Variants in DAB1 observed in about 807,000 individuals in gnomAD.
The protein encoded by DAB1 is disabled homolog 1.
A neutral mutation model predicts 64.6 loss-of-function variants in DAB1; 15 were observed. That is an observed-to-expected ratio of 0.23 (90% CI 0.16 to 0.36). The LOEUF (loss-of-function observed/expected upper bound fraction) is 0.36. Among genes scored for constraint, DAB1 ranks in the 10% least tolerant of loss-of-function variants. The pLI, the probability that DAB1 is intolerant of heterozygous loss-of-function variation, is 1.00. For synonymous variants in DAB1, 235 were observed against 251.9 expected (o/e 0.93, Z 0.64); for missense variants, 596 against 706.7 (o/e 0.84, Z 1.78).
At chr1:57,451,138 C>T (rs953080954) in intron 7 of DAB1, among the ~76,000 whole-genome samples, 2 of 152,162 alleles carry the variant, frequency 1.3e-5, no homozygotes, top group Non-Finnish European at 2.9e-5. Context: ...TGATTCTTGG[C>T]CCCAGATTCC....
At chr1:57,104,036 C>T (rs1185299674) in intron 4 of DAB1, among the ~76,000 whole-genome samples, 2 of 152,130 alleles carry the variant, frequency 1.3e-5, no homozygotes, top group African/African-American at 2.4e-5. Context: ...CTGGAGGGTC[C>T]TGGGCCTCTC....
chr1:57,414,218 TC>T (rs57394543), intron 1 of DAB1, among the ~76,000 whole-genome samples: 2,337 of 152,286 alleles, frequency 0.015, 67 homozygotes, highest in African/African-American at 0.053. Flanking sequence ...TATAGAGAAA[TC>T]TTTCATGAAA....
intron 3 of DAB1, among the ~76,000 whole-genome samples, chr1:58,457,902 T>C (rs72669872): frequency 0.046 from 7,061 of 152,266 alleles, 227 homozygotes; most frequent in East Asian, 0.12. Context: ...CCGCTACACA[T>C]CAACGCTCTG....
intron 1 of DAB1, among the ~76,000 whole-genome samples, chr1:57,357,708 C>A (rs1191389095): frequency 6.6e-6 from 1 of 151,868 alleles, no homozygotes; most frequent in African/African-American, 2.4e-5. Context: ...AGGAAACTTA[C>A]AATCATGGTG....
chr1:57,319,410 A>G (rs1320592737), intron 1 of DAB1, among the ~76,000 whole-genome samples: 2 of 152,146 alleles, frequency 1.3e-5, no homozygotes, highest in African/African-American at 4.8e-5. Flanking sequence ...TTTGGAATCC[A>G]GCCACTTCCT....
At chr1:57,301,849 A>G (rs116298204) in intron 1 of DAB1, among the ~76,000 whole-genome samples, 52 of 152,206 alleles carry the variant, frequency 3.4e-4, no homozygotes, top group African/African-American at 3.4e-4. Context: ...GTGACCATCA[A>G]TAGATTTCCC....
At chr1:57,267,900 A>G (rs12143340) in intron 2 of DAB1, among the ~76,000 whole-genome samples, 63,217 of 152,008 alleles carry the variant, frequency 0.42, 13,340 homozygotes, top group South Asian at 0.54. Context: ...ATGAGAGCGG[A>G]GAGTGGGAAA....
intron 3 of DAB1, among the ~76,000 whole-genome samples, chr1:58,489,042 A>G (rs1483689962): frequency 1.3e-5 from 2 of 152,206 alleles, no homozygotes; most frequent in Non-Finnish European, 2.9e-5. Flanking sequence ...CGATTTCTCC[A>G]TTTCCAACTG....
At chr1:57,886,646 T>G (rs1367103687), upstream of DAB1, among the ~76,000 whole-genome samples, 1 of 152,210 alleles carries the variant, frequency 6.6e-6, no homozygotes, top group Non-Finnish European at 1.5e-5. Context: ...TGGCAGTCAC[T>G]ATTTGCATGT....
intron 6 of DAB1, among the ~76,000 whole-genome samples, chr1:57,737,670 C>A (rs767966855): frequency 4.6e-5 from 7 of 152,192 alleles, no homozygotes; most frequent in Admixed American, 6.5e-5. Context: ...TGGCAACCCA[C>A]ACTGGACCAT....
intron 5 of DAB1, among the ~76,000 whole-genome samples, chr1:57,889,991 A>G (rs916984383): frequency 1.3e-5 from 2 of 151,642 alleles, no homozygotes; most frequent in African/African-American, 4.9e-5. Flanking sequence ...TTCTCATAAG[A>G]AGGCTGAAAA....
chr1:57,045,864 G>A (rs1648418788), intron 9 of DAB1, among the ~76,000 whole-genome samples: 1 of 152,182 alleles, frequency 6.6e-6, no homozygotes, highest in Admixed American at 6.5e-5. Context: ...TCTATGATAG[G>A]CAGGAAGATG....
At chr1:57,614,862 TTCTTTC>T (rs1213929500) in intron 7 of DAB1, among the ~76,000 whole-genome samples, 19 of 132,908 alleles carry the variant, frequency 1.4e-4, no homozygotes, top group Non-Finnish European at 2.5e-4. Context: ...CTTTCTTTCT[TTCTTTC>T]TTTTTTTTTT....
At chr1:57,425,161 A>G (rs1685233729), upstream of DAB1, among the ~76,000 whole-genome samples, 1 of 152,154 alleles carries the variant, frequency 6.6e-6, no homozygotes, top group African/African-American at 2.4e-5. Flanking sequence ...CTGGTGAATC[A>G]AATCAAGTGC....
intron 2 of DAB1, among the ~76,000 whole-genome samples, chr1:57,250,227 T>A (rs1365921115): frequency 6.6e-6 from 1 of 152,210 alleles, no homozygotes; most frequent in African/African-American, 2.4e-5. Context: ...ATGTGGTTTG[T>A]GGGAATTTTG....
chr1:57,888,775 G>T (rs144381469), upstream of DAB1, among the ~76,000 whole-genome samples: 4 of 152,184 alleles, frequency 2.6e-5, no homozygotes, highest in African/African-American at 4.8e-5. Context: ...AAATTAATCT[G>T]CATCAACATC....
chr1:57,601,886 T>C (rs1227987642), intron 7 of DAB1, among the ~76,000 whole-genome samples: 1 of 152,008 alleles, frequency 6.6e-6, no homozygotes, highest in Non-Finnish European at 1.5e-5. Flanking sequence ...GAAAAGAAAA[T>C]GAACCATGTG....
Position 57,497,746 on chromosome 1 carries a change from T to C in DAB1, n.625+151846A>G, listed in dbSNP as rs186381433. ...GGGTAATGGCAGAGGGCCGGTTTCA[T>C]ATGGATGGAGGAATAGATAGAAGTC... On this transcript the variant is annotated intron_variant and non_coding_transcript_variant, in intron 7 of 20. Coordinates refer to the DAB1 transcript ENST00000485760. 2.6e-5 allele frequency among the ~76,000 whole-genome samples: 4 copies of C among 152,336 alleles called. No individual in the cohort carries two copies. The East Asian group carries it at 7.7e-4, about 29-fold the overall frequency.
At chr1:58,494,322 A>G (rs1275157794) in intron 3 of DAB1, among the ~76,000 whole-genome samples, 4 of 152,116 alleles carry the variant, frequency 2.6e-5, no homozygotes, top group Non-Finnish European at 4.4e-5. Context: ...ACCCTAGAAG[A>G]AAACCTAGGC....
Sources: gnomAD v4.1 joint callset for allele counts (sites outside exome capture counted in the v4.1 genomes callset) on GRCh38, gnomAD v4.1.1 for gene constraint, MANE v1.5 for transcripts, NCBI Gene and HGNC (gene_info 2026-07-23, HGNC 2026-07-21) for gene names.